RGPD2: variants seen among roughly 807,000 people sequenced by gnomAD.
RGPD2 encodes the protein RANBP2 like and GRIP domain containing 2.
RGPD2 carries 2 observed loss-of-function variants against 36.0 expected under a neutral mutation model. The ratio of observed to expected loss-of-function variants is 0.06; its 90% confidence interval spans 0.02 to 0.17. RGPD2 has a LOEUF of 0.17. RGPD2 is among the 10% of genes least tolerant of loss of function. The probability of loss-of-function intolerance (pLI) is 1.00; values close to 1 mark genes in which losing one functional copy is unlikely to be tolerated. For missense variants in RGPD2, 40 were observed against 464.3 expected, an observed-to-expected ratio of 0.09 and a Z score of 8.40; for synonymous variants, 19 against 163.8, an observed-to-expected ratio of 0.12 and a Z score of 6.75.
At chr2:87,913,028 C>T in the RGPD2 span, among the ~76,000 whole-genome samples, 26 of 151,930 alleles carry the variant, frequency 1.7e-4, no homozygotes, top group African/African-American at 7.3e-5. Flanking sequence ...ATTACTAGGT[C>T]GCTCAGCTGT....
chr2:87,815,018 T>C (rs1386687009), intron 4 of RGPD2, among the ~76,000 whole-genome samples: 6 of 89,222 alleles, frequency 6.7e-5, no homozygotes, highest in Non-Finnish European at 1.2e-4. Flanking sequence ...AGGTCAGGCA[T>C]AGTGAAGAGA....
chr2:87,852,832 T>C, the RGPD2 span, among the ~76,000 whole-genome samples: 11 of 152,416 alleles, frequency 7.2e-5, no homozygotes, highest in South Asian at 2.1e-4. Context: ...CTCCAGCACT[T>C]CCTATTTGTT....
At chr2:87,834,660 T>C in the RGPD2 span, among the ~76,000 whole-genome samples, 1 of 152,022 alleles carries the variant, frequency 6.6e-6, no homozygotes, top group Non-Finnish European at 1.5e-5. Context: ...CTGTAACACA[T>C]AAACATTGCT....
the RGPD2 span, among the ~76,000 whole-genome samples, chr2:87,840,194 C>T: frequency 7.7e-6 from 1 of 129,086 alleles, no homozygotes; most frequent in Admixed American, 8.3e-5. Flanking sequence ...AGGGAAACTT[C>T]GACACCAATA....
the RGPD2 span, among the ~76,000 whole-genome samples, chr2:87,978,970 C>A: frequency 6.7e-6 from 1 of 150,242 alleles, no homozygotes; most frequent in African/African-American, 2.4e-5. Context: ...CATGGTGGCT[C>A]ACACCTGTAA....
the RGPD2 span, among the ~76,000 whole-genome samples, chr2:87,905,234 A>T: frequency 6.6e-6 from 1 of 152,282 alleles, no homozygotes; most frequent in Non-Finnish European, 1.5e-5. Context: ...GCGCTGTCAC[A>T]GGACACGAAC....
the RGPD2 span, among the ~76,000 whole-genome samples, chr2:87,952,086 A>G: frequency 2.6e-5 from 4 of 152,310 alleles, no homozygotes; most frequent in Admixed American, 6.5e-5. Context: ...CAAATGTACA[A>G]ATTATTATAA....
chr2:87,897,820 TC>T, the RGPD2 span, among the ~76,000 whole-genome samples: 1 of 151,872 alleles, frequency 6.6e-6, no homozygotes, highest in Non-Finnish European at 1.5e-5. Flanking sequence ...ACGGATAACC[TC>T]TTTTGCCCAA....
the RGPD2 span, among the ~76,000 whole-genome samples, chr2:87,984,142 T>G: frequency 6.7e-6 from 1 of 149,918 alleles, no homozygotes; most frequent in Non-Finnish European, 1.5e-5. Context: ...AAAAAACCAT[T>G]CCCATTTACT....
chr2:87,856,893 T>C, the RGPD2 span, among the ~76,000 whole-genome samples: 1 of 151,836 alleles, frequency 6.6e-6, no homozygotes, highest in Non-Finnish European at 1.5e-5. Flanking sequence ...ACCTCATTAA[T>C]TTCCACATCA....
chr2:87,824,712 G>GCCGCCGCCGCCCGGCC (rs1558738064), intron 1 of RGPD2, among the ~76,000 whole-genome samples: 3 of 120,762 alleles, frequency 2.5e-5, no homozygotes, highest in African/African-American at 8.1e-5. Flanking sequence ...GGCCGAGGCC[G>GCCGCCGCCGCCCGGCC]AGGCCGCCGC....
rs1393098764 is a variant in RGPD2 at position 87,782,933 on chromosome 2, CCAA to C, written c.4088_4090del (p.Val1363del). The C allele has an allele frequency of 1.2e-6, 2 of 1,609,128 alleles. No individual in the cohort carries two copies. The highest frequency in any genetic ancestry group is 1.7e-6 in the Non-Finnish European group (2 of 1,178,814). On this transcript the variant is annotated inframe_deletion, in exon 20 of 23. Coordinates refer to ENST00000398146, the MANE Select transcript of RGPD2 (RefSeq NM_001078170.3). ...ACCAATGCCCCTTTCTTTCCATTGA[CCAA>C]CATCTTTATCATATCTGTAGAGTTC...
the RGPD2 span, among the ~76,000 whole-genome samples, chr2:87,923,187 A>T: frequency 1.3e-5 from 2 of 152,128 alleles, no homozygotes; most frequent in Non-Finnish European, 2.9e-5. Flanking sequence ...AATGAGAAAA[A>T]ATGTGTTTTC....
At chr2:87,985,563 TTAAG>T in the RGPD2 span, among the ~76,000 whole-genome samples, 2 of 152,280 alleles carry the variant, frequency 1.3e-5, no homozygotes, top group Admixed American at 6.5e-5. Context: ...ATATTAAATA[TTAAG>T]TGAGATTTGA....
At chr2:87,825,112 A>T in intron 1 of RGPD2, 1 of 389,842 alleles carries the variant, frequency 2.6e-6, no homozygotes. Flanking sequence ...AGTGAACGAA[A>T]ATCTGTTCGC....
At chr2:87,761,012 TTTTTCA>T (rs1355726504) in intron 22 of RGPD2, among the ~76,000 whole-genome samples, 1 of 125,036 alleles carries the variant, frequency 8.0e-6, no homozygotes, top group Non-Finnish European at 1.7e-5. Flanking sequence ...CTGTTTTTTC[TTTTTCA>T]TTCTTTTCTC....
Position 87,825,538 on chromosome 2 carries a change from CGAG to C in RGPD2, c.72+117_72+119del, listed in dbSNP as rs1173017327. 8.7e-5 allele frequency: 56 copies of C among 642,126 alleles called. 2 individuals are homozygous for C. In the Admixed American group the frequency reaches 2.0e-3, roughly 23 times the overall value. 39.8% of individuals were successfully genotyped at this position (642,126 alleles called of 1,614,324 possible). On this transcript the variant is annotated intron_variant, in intron 1 of 22. Transcript: ENST00000398146. ...GCCGCCGCCCGGCCGAGGCCGAGGC[CGAG>C]GCCGCCGCCCGGCCAGGTCGAGGCC...
the RGPD2 span, among the ~76,000 whole-genome samples, chr2:87,882,697 A>G: frequency 6.6e-6 from 1 of 152,206 alleles, no homozygotes; most frequent in Non-Finnish European, 1.5e-5. Context: ...TAAACATTTT[A>G]ACAATATTAA....
chr2:87,923,418 C>G, the RGPD2 span, among the ~76,000 whole-genome samples: 2 of 152,200 alleles, frequency 1.3e-5, no homozygotes, highest in Non-Finnish European at 2.9e-5. Flanking sequence ...AAAGAAAATG[C>G]TTTTCTATCG....
Sources: allele counts gnomAD v4.1 joint callset (sites outside exome capture counted in the v4.1 genomes callset), GRCh38; gene constraint gnomAD v4.1.1; transcripts MANE v1.5; gene names NCBI Gene and HGNC (gene_info 2026-07-23, HGNC 2026-07-21).